VWA5B1: variants seen among roughly 807,000 people sequenced by gnomAD.
VWA5B1 encodes the protein von Willebrand factor A domain-containing protein 5B1.
VWA5B1 carries 115 observed loss-of-function variants against 118.2 expected under a neutral mutation model. That is an observed-to-expected ratio of 0.97 (90% CI 0.84 to 1.14). The LOEUF (loss-of-function observed/expected upper bound fraction) is 1.14. Ranked by LOEUF, VWA5B1 falls within the 50% of genes most tolerant of loss-of-function variation. The pLI is 0.00. For missense variants in VWA5B1, 1,596 were observed against 1,603.8 expected, an observed-to-expected ratio of 1.00 and a Z score of 0.08; for synonymous variants, 682 against 658.4, an observed-to-expected ratio of 1.04 and a Z score of -0.55.
rs1368634510 is a variant in VWA5B1 at position 20,350,877 on chromosome 1, A to G, written c.2974A>G (p.Thr992Ala). 7 of 1,551,816 alleles carry G rather than the reference A, an allele frequency of 4.5e-6. No individual in the cohort carries two copies. The highest frequency in any genetic ancestry group is 1.4e-5 in the African/African-American group (1 of 73,048). ...TCCAGGTCCCCAGCGCAGCCTGGCT[A>G]CAAATACTCTTTCTTCCATGAAGGC... ...ASEGPQRSLATNTLSSMKASE... is the reference protein window; with the variant it reads ...ASEGPQRSLAANTLSSMKASE... The change falls in exon 20 of 22, where the codon ACA becomes GCA. Residue 992 changes from threonine to alanine, a missense_variant. Coordinates refer to ENST00000289815, the MANE Select transcript of VWA5B1 (RefSeq NM_001039500.3).
chr1:20,337,632 C>T lies in VWA5B1; in HGVS notation c.1943-14C>T. On this transcript the variant is annotated splice_polypyrimidine_tract_variant and intron_variant, in intron 13 of 21. Coordinates refer to ENST00000289815, the MANE Select transcript of VWA5B1 (RefSeq NM_001039500.3). ...GTCCCACTCTGATGGTTCCCCATCA[C>T]TATCCCTGTCCAGATCTGAACCTCT... The T allele has an allele frequency of 6.5e-7, 1 of 1,544,288 alleles. No homozygotes were observed. Among genetic ancestry groups the T allele is most frequent in the African/African-American group, 1.4e-5 (1 of 73,032 alleles).
chr1:20,317,772 C>T (rs995995223), intron 5 of VWA5B1, 97 bp downstream of exon 5: 64 of 1,410,018 alleles, frequency 4.5e-5, no homozygotes, highest in Non-Finnish European at 5.7e-5. Context: ...GCCAACTGGC[C>T]CAGATGGCAG....
Position 20,337,653 on chromosome 1 carries a change from CCT to C in VWA5B1, c.1956_1957del (p.Gln653AlafsTer24). On this transcript the variant is annotated frameshift_variant, in exon 14 of 22. Transcript: ENST00000289815. LOFTEE classifies it high-confidence loss of function. ...GDSTTKHDLNLSQRRRAYSTN... is the reference protein window; with the variant it reads ...GDSTTKHDLNXSQRRRAYSTN... Reference sequence around the variant, plus strand: ...ATCACTATCCCTGTCCAGATCTGAACCTCTCTCAGCGACGGAGGGCATACAGC... The same window carrying C: ...ATCACTATCCCTGTCCAGATCTGAACCTCTCAGCGACGGAGGGCATACAGC... 1 of 1,551,250 alleles carries C rather than the reference CCT, an allele frequency of 6.4e-7. No individual in the cohort carries two copies. The highest frequency in any genetic ancestry group is 2.4e-5 in the East Asian group (1 of 40,912).
chr1:20,342,384 CTCCTCCTCG>C (rs2089898884), intron 14 of VWA5B1, 39 bp from the exon 15 acceptor site: 1 of 1,538,196 alleles, frequency 6.5e-7, no homozygotes, highest in Non-Finnish European at 8.8e-7. Context: ...CCTCCTCCTC[CTCCTCCTCG>C]TCCTCCTCCT....
chr1:20,312,805 C>A (rs771937313), intron 2 of VWA5B1, 31 bp from the exon 3 acceptor site: 52 of 1,530,182 alleles, frequency 3.4e-5, no homozygotes, highest in African/African-American at 1.4e-4. Flanking sequence ...AGGCCTGGGG[C>A]ACCCCGTGAT....
chr1:20,325,391 A>G (rs4655195), intron 8 of VWA5B1, among the ~76,000 whole-genome samples: 38,181 of 152,074 alleles, frequency 0.25, 5,308 homozygotes, highest in East Asian at 0.39. Context: ...GAGAAGGATC[A>G]ATTCAGGCAG....
intron 14 of VWA5B1, chr1:20,338,145 C>T: frequency 1.9e-6 from 1 of 523,684 alleles, no homozygotes; most frequent in East Asian, 4.9e-5. Flanking sequence ...AGGGGCCCAC[C>T]TTGGCTCAGT....
chr1:20,341,589 T>C (rs1300728929), intron 14 of VWA5B1, among the ~76,000 whole-genome samples: 3 of 152,268 alleles, frequency 2.0e-5, no homozygotes, highest in African/African-American at 7.2e-5. Flanking sequence ...TTGGATACTT[T>C]TGCTATAAAC....
intron 12 of VWA5B1, among the ~76,000 whole-genome samples, chr1:20,335,384 AC>A (rs1239847556): frequency 5.3e-5 from 8 of 152,230 alleles, no homozygotes; most frequent in African/African-American, 1.9e-4. Flanking sequence ...AATTCAAGAT[AC>A]TGATAAGTGT....
At chr1:20,333,243 G>C (rs965686171) in intron 12 of VWA5B1, among the ~76,000 whole-genome samples, 4 of 152,234 alleles carry the variant, frequency 2.6e-5, no homozygotes, top group Non-Finnish European at 5.9e-5. Context: ...GGAGGCCGAG[G>C]CAGGAAGATC....
chr1:20,344,420 T>C (rs1457889112), intron 16 of VWA5B1, among the ~76,000 whole-genome samples: 1 of 152,170 alleles, frequency 6.6e-6, no homozygotes, highest in Non-Finnish European at 1.5e-5. Context: ...GTAAACCAGC[T>C]GAACAGCCCA....
At chr1:20,291,355 T>TCTCTC (rs1557821889) in intron 1 of VWA5B1, among the ~76,000 whole-genome samples, 20 of 69,842 alleles carry the variant, frequency 2.9e-4, no homozygotes, top group Non-Finnish European at 5.1e-4. Context: ...CTTTCTTTCT[T>TCTCTC]TCTTTCTCTC....
In VWA5B1 at chr1:20,355,496, T is replaced by C. The variant is rs1348936955; in HGVS notation, c.*1233T>C. Reference sequence around the variant, plus strand: ...CCAAGGAACCCCACCAGCTTGGGACTTCAGGCTGAATCTATCCACCCTCGA... The same window carrying C: ...CCAAGGAACCCCACCAGCTTGGGACCTCAGGCTGAATCTATCCACCCTCGA... On this transcript the variant is annotated 3_prime_UTR_variant, in exon 22 of 22. Coordinates refer to ENST00000289815, the MANE Select transcript of VWA5B1 (RefSeq NM_001039500.3). Among the ~76,000 whole-genome samples the C allele has an allele frequency of 6.6e-6, 1 of 152,220 alleles. No homozygotes were observed. Among genetic ancestry groups the C allele is most frequent in the African/African-American group, 2.4e-5 (1 of 41,468 alleles).
intron 1 of VWA5B1, among the ~76,000 whole-genome samples, chr1:20,300,875 G>C (rs1447317164): frequency 1.3e-5 from 2 of 152,210 alleles, no homozygotes; most frequent in Non-Finnish European, 2.9e-5. Context: ...CTCCGTCCAG[G>C]CCCAAGAGGT....
intron 4 of VWA5B1, among the ~76,000 whole-genome samples, chr1:20,316,602 C>T (rs1322966671): frequency 6.6e-6 from 1 of 152,080 alleles, no homozygotes; most frequent in African/African-American, 2.4e-5. Context: ...CCTGTGGAGA[C>T]AGAACAGGAT....
intron 17 of VWA5B1, 62 bp from the exon 18 acceptor site, chr1:20,348,183 G>A (rs924046627): frequency 6.3e-5 from 91 of 1,442,344 alleles, no homozygotes; most frequent in East Asian, 9.9e-5. Context: ...CAGCTCTGGG[G>A]GAAAGGCAAA....
intron 1 of VWA5B1, among the ~76,000 whole-genome samples, chr1:20,308,706 ATAAGCCCAGAGCTGTCTGGGCC>A (rs1333836480): frequency 2.6e-5 from 4 of 152,118 alleles, no homozygotes; most frequent in Non-Finnish European, 2.9e-5. Flanking sequence ...CCAACAGGAG[ATAAGCCCAGAGCTGTCTGGGCC>A]TGAGCCCAGA....
At chr1:20,317,412 G>C (rs1255016381) in intron 4 of VWA5B1, 118 bp from the exon 5 acceptor site, 1 of 1,384,720 alleles carries the variant, frequency 7.2e-7, no homozygotes, top group African/African-American at 1.5e-5. Flanking sequence ...GCACGGGTCT[G>C]GGGGCCCCCT....
intron 5 of VWA5B1, 92 bp from the exon 6 acceptor site, chr1:20,318,498 A>T (rs865944975): frequency 6.6e-7 from 1 of 1,526,000 alleles, no homozygotes; most frequent in South Asian, 1.2e-5. Context: ...CATGTCACTC[A>T]TCTCTGGCCT....
Sources: gnomAD v4.1 joint callset for allele counts (sites outside exome capture counted in the v4.1 genomes callset) on GRCh38, gnomAD v4.1.1 for gene constraint, MANE v1.5 for transcripts, NCBI Gene and HGNC (gene_info 2026-07-23, HGNC 2026-07-21) for gene names.